The following LAPTM4B variants were observed in gnomAD, a reference collection of about 807,000 sequenced individuals.
LAPTM4B encodes lysosomal-associated transmembrane protein 4B.
In LAPTM4B, 26 loss-of-function variants were observed where a neutral mutation model predicts 28.5. The observed-to-expected ratio is 0.91, with a 90% CI of 0.67 to 1.27. The LOEUF is 1.27. LAPTM4B is among the 50% of genes most tolerant of loss of function. The pLI is 0.00. For missense variants in LAPTM4B, 288 were observed against 285.8 expected (o/e 1.01, Z -0.06); for synonymous variants, 109 against 106.4 (o/e 1.02, Z -0.15).
rs200739526 is a variant in LAPTM4B, at chr8:97,776,018, G to C, written c.9G>C (p.Met3Ile). The C allele has an allele frequency of 1.8e-5, 29 of 1,577,246 alleles. No individual in the cohort carries two copies. The highest frequency in any genetic ancestry group is 3.5e-4 in the Middle Eastern group (2 of 5,782). Residue 3 changes from methionine to isoleucine, a missense_variant, in exon 1 of 7, where the codon ATG (methionine) becomes ATC (isoleucine). Physicochemically the swap from Met to Ile is conservative, Grantham distance 10. Coordinates refer to ENST00000521545, the MANE Select transcript of LAPTM4B (RefSeq NM_018407.6). MK[M>I]VAPWTRFYSN... The stretch of plus-strand genomic sequence containing the variant: ...CCACTGCGCCCGGAGCGATGAAGAT[G>C]GTCGCGCCCTGGACGCGGTTCTACT...
At chr8:97,802,072 A>G (rs1816692316) in intron 1 of LAPTM4B, among the ~76,000 whole-genome samples, 1 of 152,194 alleles carries the variant, frequency 6.6e-6, no homozygotes. Flanking sequence ...AGATACTGTT[A>G]TAATAATTAC....
At chr8:97,780,995 A>AT (rs546330980) in intron 1 of LAPTM4B, among the ~76,000 whole-genome samples, 1,552 of 145,852 alleles carry the variant, frequency 0.011, 21 homozygotes, top group African/African-American at 0.032. Flanking sequence ...ATGTACTACA[A>AT]TTTTTTTTTT....
At chr8:97,812,217 G>GTTTTTTTTTTTT (rs71271157) in intron 2 of LAPTM4B, among the ~76,000 whole-genome samples, 2 of 93,310 alleles carry the variant, frequency 2.1e-5, no homozygotes, top group Non-Finnish European at 4.2e-5. Context: ...TTTTTTTTTT[G>GTTTTTTTTTTTT]TTGTTTTTTG....
In LAPTM4B at chr8:97,831,958, C is replaced by T. The variant is rs1037017591; in HGVS notation, c.603+6805C>T. ...TGCTTGTTGGTGGGAGAAACCCCCA[C>T]GCCTTTGGTCACAGGAGCCTTCTGC... On this transcript the variant is annotated intron_variant, in intron 6 of 6. Coordinates refer to ENST00000521545, the MANE Select transcript of LAPTM4B (RefSeq NM_018407.6). Among the ~76,000 whole-genome samples the T allele has an allele frequency of 4.6e-5, 7 of 152,158 alleles. No homozygotes were observed. In the South Asian group the frequency reaches 6.2e-4, roughly 14 times the overall value.
chr8:97,787,234 C>A (rs1021613483), intron 1 of LAPTM4B, among the ~76,000 whole-genome samples: 3 of 151,498 alleles, frequency 2.0e-5, no homozygotes, highest in African/African-American at 7.3e-5. Flanking sequence ...ATCCCAGTAA[C>A]CAAAAACAAG....
intron 1 of LAPTM4B, chr8:97,788,267 A>G: frequency 2.8e-6 from 1 of 362,118 alleles, no homozygotes; most frequent in South Asian, 2.8e-5. Flanking sequence ...TGATTTCATT[A>G]CCAGTTGTTA....
At chr8:97,800,544 T>C (rs994252443) in intron 1 of LAPTM4B, among the ~76,000 whole-genome samples, 2 of 137,498 alleles carry the variant, frequency 1.5e-5, no homozygotes, top group Non-Finnish European at 3.0e-5. Flanking sequence ...TTGCCCAGGC[T>C]AGAGTGCAAC....
chr8:97,832,921 G>A (rs1174966757), intron 6 of LAPTM4B, among the ~76,000 whole-genome samples: 2 of 150,136 alleles, frequency 1.3e-5, no homozygotes, highest in South Asian at 2.1e-4. Context: ...GGCCAGGCTG[G>A]TCTCGAACTC....
intron 1 of LAPTM4B, among the ~76,000 whole-genome samples, chr8:97,792,738 C>T (rs1056696901): frequency 1.3e-5 from 2 of 152,062 alleles, no homozygotes; most frequent in Non-Finnish European, 2.9e-5. Flanking sequence ...TGGCACCACA[C>T]GTGGCTGTTT....
chr8:97,784,602 G>A (rs1038677302), intron 1 of LAPTM4B, among the ~76,000 whole-genome samples: 8 of 151,954 alleles, frequency 5.3e-5, no homozygotes, highest in Non-Finnish European at 1.0e-4. Context: ...ACCACACCCC[G>A]CTGATTTTTT....
At position 97,805,354 on chromosome 8, in the gene LAPTM4B, T is replaced by C; in HGVS notation, c.101T>C (p.Ile34Thr). 1 of 1,299,604 alleles carries C rather than the reference T, an allele frequency of 7.7e-7. No individual in the cohort carries two copies. Among genetic ancestry groups the C allele is most frequent in the Non-Finnish European group, 1.1e-6 (1 of 923,686 alleles). The allele number at this position is 1,299,604 out of a possible 1,614,324, so 80.5% of individuals were successfully genotyped here. A position where few individuals can be genotyped will look rare whatever the true frequency, so the allele number is the denominator to read the frequency against. ...TTTTTTTTTTTTTTCTTGTTGCAGA[T>C]CATCAATGCTGTGGTACTGTTGATT... ...GTILLGVWYLIINAVVLLILL... is the reference protein window; with the variant it reads ...GTILLGVWYLTINAVVLLILL... The change falls in exon 2 of 7, where the codon ATC becomes ACC. Residue 34 changes from isoleucine (I) to threonine (T), a missense_variant and splice_region_variant. Coordinates refer to ENST00000521545, the MANE Select transcript of LAPTM4B (RefSeq NM_018407.6).
At position 97,776,002 on chromosome 8, in the gene LAPTM4B, C is replaced by G. The variant is rs1385326075; in HGVS notation, c.-8C>G. ...TGCGCGCGCGCTCGCGCCACTGCGCCCGGAGCGATGAAGATGGTCGCGCCC... is the reference window on the plus strand; with the variant it reads ...TGCGCGCGCGCTCGCGCCACTGCGCGCGGAGCGATGAAGATGGTCGCGCCC... On this transcript the variant is annotated 5_prime_UTR_variant, in exon 1 of 7. Coordinates refer to ENST00000521545, the MANE Select transcript of LAPTM4B (RefSeq NM_018407.6). 3 of 1,571,868 alleles carry G rather than the reference C, an allele frequency of 1.9e-6. No homozygotes were observed. In the South Asian group the frequency reaches 3.4e-5, roughly 18 times the overall value.
intron 1 of LAPTM4B, among the ~76,000 whole-genome samples, chr8:97,780,000 G>C (rs1203895815): frequency 6.9e-6 from 1 of 145,954 alleles, no homozygotes; most frequent in Non-Finnish European, 1.5e-5. Flanking sequence ...GCCGTGAGCC[G>C]AGATCACGCC....
intron 6 of LAPTM4B, among the ~76,000 whole-genome samples, chr8:97,848,672 G>A (rs1375405852): frequency 6.6e-6 from 1 of 152,172 alleles, no homozygotes; most frequent in Non-Finnish European, 1.5e-5. Context: ...AAACATTTAA[G>A]TAACTCTACT....
rs60489660 is a variant in LAPTM4B at position 97,782,906 on chromosome 8, TTTTATTTA to T, written c.99+6834_99+6841del. Among the ~76,000 whole-genome samples, 214 of 135,114 alleles carry T rather than the reference TTTTATTTA, an allele frequency of 1.6e-3. 1 individual carries two copies. The highest frequency in any genetic ancestry group is 7.5e-3 in the South Asian group (31 of 4,138). The allele number at this position is 135,114 out of a possible 152,430, so 88.6% of individuals were successfully genotyped here. On this transcript the variant is annotated intron_variant, in intron 1 of 6. Transcript: ENST00000521545. ...ACCACCATACCTGGCTAATTTTGTA[TTTTATTTA>T]TTTATTTATTTATTTATTTATTTAT...
chr8:97,817,361 C>G (rs1242680090), intron 4 of LAPTM4B, among the ~76,000 whole-genome samples: 1 of 151,786 alleles, frequency 6.6e-6, no homozygotes, highest in Non-Finnish European at 1.5e-5. Flanking sequence ...TTGTCTCAAA[C>G]TCCTAGACTC....
intron 6 of LAPTM4B, among the ~76,000 whole-genome samples, chr8:97,845,309 A>G (rs1457684298): frequency 1.3e-5 from 2 of 150,692 alleles, no homozygotes; most frequent in African/African-American, 2.4e-5. Context: ...GATTTTCCCA[A>G]ACTAACACTT....
chr8:97,832,574 C>A (rs1479385047), intron 6 of LAPTM4B, among the ~76,000 whole-genome samples: 1 of 152,058 alleles, frequency 6.6e-6, no homozygotes, highest in Non-Finnish European at 1.5e-5. Flanking sequence ...GTAGATTTAT[C>A]TTTTCTCTTA....
chr8:97,815,568 A>T (rs908041956), intron 3 of LAPTM4B, among the ~76,000 whole-genome samples, 167 bp downstream of exon 3: 80 of 146,742 alleles, frequency 5.5e-4, no homozygotes, highest in African/African-American at 1.9e-3. Context: ...TATACTGGAA[A>T]TTTTTTTTTT....
Sources: allele counts gnomAD v4.1 joint callset (sites outside exome capture counted in the v4.1 genomes callset), GRCh38; gene constraint gnomAD v4.1.1; transcripts MANE v1.5; gene names NCBI Gene and HGNC (gene_info 2026-07-23, HGNC 2026-07-21).